NOS2: variants seen among roughly 807,000 people sequenced by gnomAD.
NOS2 encodes the protein nitric oxide synthase 2.
A neutral mutation model predicts 136.0 loss-of-function variants in NOS2; 96 were observed. The observed-to-expected ratio is 0.71, with a 90% confidence interval of 0.60 to 0.84. NOS2 has a LOEUF of 0.84. NOS2 is among the 40% of genes least tolerant of loss of function. NOS2 has a pLI of 0.00. For synonymous variants in NOS2, 539 were observed against 587.5 expected (o/e 0.92, Z 1.20); for missense variants, 1,237 against 1,496.9 (o/e 0.83, Z 2.87).
chr17:27,773,049 A>T, intron 13 of NOS2, 112 bp downstream of exon 13: 1 of 895,256 alleles, frequency 1.1e-6, no homozygotes, highest in Middle Eastern at 2.2e-4. Flanking sequence ...ACAAAAGCAA[A>T]AAGCATAACC....
At chr17:27,787,322 A>G (rs1909049529) in intron 5 of NOS2, among the ~76,000 whole-genome samples, 1 of 152,172 alleles carries the variant, frequency 6.6e-6, no homozygotes, top group Admixed American at 6.5e-5. Context: ...CCTCACAAAA[A>G]TCTCATGAGC....
intron 3 of NOS2, 86 bp from the exon 4 acceptor site, chr17:27,789,017 G>C (rs1909109479): frequency 6.6e-7 from 1 of 1,525,154 alleles, no homozygotes; most frequent in African/African-American, 1.4e-5. Context: ...AGGATCTATG[G>C]GTGGCCACAC....
chr17:27,780,308 A>G (rs1400974533), intron 9 of NOS2, among the ~76,000 whole-genome samples: 1 of 152,206 alleles, frequency 6.6e-6, no homozygotes, highest in Non-Finnish European at 1.5e-5. Flanking sequence ...AGTAAATCTC[A>G]ATACGCAGAG....
At chr17:27,780,434 G>T (rs561674109) in intron 9 of NOS2, among the ~76,000 whole-genome samples, 2 of 152,314 alleles carry the variant, frequency 1.3e-5, no homozygotes, top group South Asian at 4.1e-4. Context: ...GCATTGGCAG[G>T]AGGGCAGAAG....
Position 27,769,063 on chromosome 17 carries a change from C to T in NOS2, c.1948G>A (p.Ala650Thr). ...DIDQKLSHLG[A>T]SQLTPMGEGD... is the part of the protein sequence containing the mutation. ...TCTCCCATCGGGGTGAGCTGAGAGG[C>T]CCCCAGGTGGGACAGCTTCTGATCA... is the stretch of plus-strand genomic sequence containing the variant. Residue 650 changes from alanine to threonine, a missense_variant, in exon 17 of 27, where the codon GCC becomes ACC. Physicochemically the swap from Ala to Thr is moderately conservative, Grantham distance 58. This residue lies in a region of NOS2 where 782 missense variants were observed against 909.9 expected (regional missense o/e 0.86). Transcript: ENST00000313735. 2.5e-6 allele frequency: 4 copies of T among 1,612,562 alleles called. No homozygotes were observed. The South Asian group carries it at 4.4e-5, about 18-fold the overall frequency.
rs199582562 is a variant in NOS2 at position 27,788,878 on chromosome 17, C to A, written c.249G>T (p.Arg83=). 44 of 1,613,966 alleles carry A rather than the reference C, an allele frequency of 2.7e-5. No homozygotes were observed. Among genetic ancestry groups the A allele is most frequent in the Non-Finnish European group, 3.7e-5 (44 of 1,179,952 alleles). The change falls in exon 4 of 27, where the codon CGG becomes CGT. Residue 83 remains arginine, a synonymous_variant. Coordinates refer to ENST00000313735, the MANE Select transcript of NOS2 (RefSeq NM_000625.4). ...TGCCCCAGTTTTTGATCCTCACATG[C>A]CGTGGGGAGGACAATGGGGTTGCAT... ...KLDATPLSSP[R]HVRIKNWGSG... is the part of the protein sequence containing the mutation.
At position 27,782,077 on chromosome 17, in the gene NOS2, G is replaced by C; in HGVS notation, c.660C>G (p.Ala220=). 1.9e-6 allele frequency: 3 copies of C among 1,614,086 alleles called. No individual in the cohort carries two copies. Among genetic ancestry groups the C allele is most frequent in the Non-Finnish European group, 2.5e-6 (3 of 1,180,014 alleles). ...QVFDARSCST[A]REMFEHICRH... ...TGCAGATGTGTTCAAACATTTCCCG[G>C]GCAGTGGAACAGCTGCGGGCATCGA... The change falls in exon 7 of 27, where the codon GCC becomes GCG. Residue 220 remains alanine (A), a synonymous_variant. Transcript: ENST00000313735.
intron 14 of NOS2, among the ~76,000 whole-genome samples, chr17:27,771,446 A>T (rs1908492651): frequency 6.6e-6 from 1 of 152,210 alleles, no homozygotes; most frequent in Admixed American, 6.5e-5. Flanking sequence ...CACCCAGCGG[A>T]GGATGGGGGA....
At chr17:27,783,550 T>C (rs2142519378) in intron 5 of NOS2, among the ~76,000 whole-genome samples, 1 of 152,282 alleles carries the variant, frequency 6.6e-6, no homozygotes, top group South Asian at 2.1e-4. Context: ...TAGAGTGCCC[T>C]CCTTCCTTGC....
chr17:27,781,130 A>C lies in NOS2; in HGVS notation c.770T>G (p.Phe257Cys), dbSNP rs1340032438. 1 of 1,612,518 alleles carries C rather than the reference A, an allele frequency of 6.2e-7. No homozygotes were observed. Among genetic ancestry groups the C allele is most frequent in the South Asian group, 1.1e-5 (1 of 91,080 alleles). Residue 257 changes from phenylalanine to cysteine, a missense_variant, in exon 8 of 27, where the codon TTC becomes TGC. Coordinates refer to ENST00000313735, the MANE Select transcript of NOS2 (RefSeq NM_000625.4). ...GATGAGCTGAGCATTCCACACCCGG[A>C]AGTCGTGCTTGCCATCACTCCGCTG... ...FPQRSDGKHD[F>C]RVWNAQLIRY...
rs574345352 is a variant in NOS2, at chr17:27,765,859, G to A, written c.2247-143C>T. On this transcript the variant is annotated intron_variant, in intron 19 of 26. Transcript: ENST00000313735. ...CAAGCTAGGCCACCACCCTGAGCTT[G>A]GGATGAGGCATCCCCACAGGCAGGG... 131 of 919,112 alleles carry A rather than the reference G, an allele frequency of 1.4e-4. No individual in the cohort carries two copies. In the African/African-American group the frequency reaches 2.0e-3, roughly 14 times the overall value. 56.9% of individuals were successfully genotyped at this position (919,112 alleles called of 1,614,324 possible).
At chr17:27,769,413 C>A (rs1735062200) in intron 16 of NOS2, 122 bp downstream of exon 16, 3 of 875,410 alleles carry the variant, frequency 3.4e-6, no homozygotes, top group Non-Finnish European at 5.7e-6. Context: ...GACCTTAGAC[C>A]CAGGTCTCTG....
intron 5 of NOS2, among the ~76,000 whole-genome samples, chr17:27,784,995 C>G (rs559872076): frequency 1.9e-4 from 29 of 152,160 alleles, no homozygotes; most frequent in Admixed American, 1.2e-3. Context: ...TCTGAACACC[C>G]GCCCAATTGC....
intron 15 of NOS2, 57 bp downstream of exon 15, chr17:27,770,856 C>T: frequency 7.5e-7 from 1 of 1,325,292 alleles, no homozygotes; most frequent in Middle Eastern, 1.8e-4. Context: ...CAGACCCTTT[C>T]CTGGGTCCTC....
chr17:27,778,223 T>A (rs1908722660), intron 11 of NOS2, among the ~76,000 whole-genome samples: 1 of 150,586 alleles, frequency 6.6e-6, no homozygotes, highest in South Asian at 2.1e-4. Flanking sequence ...TTGAGCGGAG[T>A]CTTGCTCTGT....
intron 11 of NOS2, among the ~76,000 whole-genome samples, chr17:27,776,098 T>C (rs1304370184): frequency 6.6e-6 from 1 of 151,562 alleles, no homozygotes; most frequent in Admixed American, 6.6e-5. Context: ...CCAGGGTGAG[T>C]TGGCGAATTT....
At chr17:27,766,625 G>A (rs1908311870) in intron 18 of NOS2, 37 bp from the exon 19 acceptor site, 1 of 1,551,190 alleles carries the variant, frequency 6.4e-7, no homozygotes, top group South Asian at 1.1e-5. Flanking sequence ...TGGCAAAGTG[G>A]TTCTTGAGCG....
chr17:27,767,886 T>C (rs1355553967), intron 17 of NOS2, 49 bp from the exon 18 acceptor site: 1 of 1,606,542 alleles, frequency 6.2e-7, no homozygotes, highest in South Asian at 1.1e-5. Flanking sequence ...AGCAGCAGCA[T>C]CCCCACCACT....
rs766152049 is a variant in NOS2, at chr17:27,778,717, G to A, written c.1254C>T (p.Ile418=). 1 of 1,614,150 alleles carries A rather than the reference G, an allele frequency of 6.2e-7. No homozygotes were observed. The highest frequency in any genetic ancestry group is 8.5e-7 in the Non-Finnish European group (1 of 1,179,986). The change falls in exon 11 of 27, where the codon ATC becomes ATT. Residue 418 remains isoleucine, a synonymous_variant. Transcript: ENST00000313735. ...GGAAACTATGGAGCACAGCAATGTT[G>A]ATCTCAACGACAGCCTGGTCTTTCC... The part of the protein sequence containing the change: ...SLWKDQAVVE[I]NIAVLHSFQK...
Sources: gnomAD v4.1 joint callset for allele counts (sites outside exome capture counted in the v4.1 genomes callset) on GRCh38, gnomAD v4.1.1 for gene constraint, gnomAD v4.1.1 regional missense constraint, MANE v1.5 for transcripts, NCBI Gene and HGNC (gene_info 2026-07-23, HGNC 2026-07-21) for gene names.